Variants in CSMD1 observed in about 807,000 individuals in gnomAD.
CSMD1 encodes CUB and sushi domain-containing protein 1.
A neutral mutation model predicts 417.5 loss-of-function variants in CSMD1; 213 were observed. That is an observed-to-expected ratio of 0.51 (90% CI 0.46 to 0.57). CSMD1 has a LOEUF of 0.57. CSMD1 is among the 20% of genes least tolerant of loss of function. The probability of loss-of-function intolerance (pLI) is 0.00; values close to 1 mark genes in which losing one functional copy is unlikely to be tolerated. For missense variants in CSMD1, 6,923 were observed against 4,529.7 expected, an observed-to-expected ratio of 1.53 and a Z score of -15.17; for synonymous variants, 2,862 against 1,736.8, an observed-to-expected ratio of 1.65 and a Z score of -16.11.
intron 2 of CSMD1, among the ~76,000 whole-genome samples, chr8:4,491,039 C>G (rs1172457816): frequency 6.6e-6 from 1 of 152,114 alleles, no homozygotes; most frequent in Non-Finnish European, 1.5e-5. Flanking sequence ...CCTATGGTAC[C>G]TGGCTGTGGT....
Position 3,106,724 on chromosome 8 carries a change from A to G in CSMD1, c.6836-83T>C, listed in dbSNP as rs1816174219. ...GGTGTGACACATGTAGGACTACTTAAATGAATTAAATCAACTTGCAAATCT... is the reference window on the plus strand; with the variant it reads ...GGTGTGACACATGTAGGACTACTTAGATGAATTAAATCAACTTGCAAATCT... On this transcript the variant is annotated intron_variant, in intron 45 of 69. Transcript: ENST00000635120. The G allele has an allele frequency of 4.8e-6, 3 of 628,528 alleles. No homozygotes were observed. The South Asian group carries it at 7.4e-5, about 16-fold the overall frequency. 38.9% of individuals were successfully genotyped at this position (628,528 alleles called of 1,614,324 possible).
intron 3 of CSMD1, among the ~76,000 whole-genome samples, chr8:4,112,578 C>G (rs144904832): frequency 1.5e-4 from 23 of 152,262 alleles, no homozygotes; most frequent in African/African-American, 5.5e-4. Flanking sequence ...TCTGGGGAGG[C>G]TGACTTCACA....
chr8:3,775,394 AC>A (rs1456004191), intron 5 of CSMD1, among the ~76,000 whole-genome samples: 1 of 152,188 alleles, frequency 6.6e-6, no homozygotes, highest in Non-Finnish European at 1.5e-5. Context: ...AGGCCCAGGT[AC>A]CTGACTCAAA....
intron 5 of CSMD1, among the ~76,000 whole-genome samples, chr8:3,808,504 G>C (rs896488018): frequency 6.6e-6 from 1 of 152,146 alleles, no homozygotes; most frequent in Non-Finnish European, 1.5e-5. Flanking sequence ...TATGAAGAAA[G>C]ACTAAGAGCA....
intron 3 of CSMD1, among the ~76,000 whole-genome samples, chr8:4,370,734 A>AC (rs1273144589): frequency 2.0e-5 from 3 of 152,194 alleles, no homozygotes; most frequent in Non-Finnish European, 4.4e-5. Flanking sequence ...AGTTAATGTC[A>AC]CCAGTTGTGT....
intron 5 of CSMD1, among the ~76,000 whole-genome samples, chr8:3,939,061 G>A (rs574644523): frequency 3.3e-5 from 5 of 152,190 alleles, no homozygotes; most frequent in South Asian, 4.2e-4. Flanking sequence ...TGAGCCAACA[G>A]TCTGACAGAA....
At chr8:3,811,824 G>T (rs981831429) in intron 5 of CSMD1, among the ~76,000 whole-genome samples, 3 of 152,138 alleles carry the variant, frequency 2.0e-5, no homozygotes, top group African/African-American at 4.8e-5. Flanking sequence ...AACTTTAAGG[G>T]TGTTCATCTC....
intron 1 of CSMD1, among the ~76,000 whole-genome samples, chr8:4,690,283 A>G (rs1312818545): frequency 2.0e-5 from 3 of 152,202 alleles, no homozygotes; most frequent in Admixed American, 2.0e-4. Flanking sequence ...CCTGAAGAGG[A>G]CGACCTAACA....
chr8:2,969,411 T>C (rs2128930780), intron 57 of CSMD1, among the ~76,000 whole-genome samples: 1 of 152,314 alleles, frequency 6.6e-6, no homozygotes, highest in Non-Finnish European at 1.5e-5. Context: ...CTTGAGCCTA[T>C]GATTAAAAGA....
chr8:4,515,608 T>G (rs1342846191), intron 2 of CSMD1, among the ~76,000 whole-genome samples: 2 of 152,156 alleles, frequency 1.3e-5, no homozygotes, highest in Non-Finnish European at 2.9e-5. Flanking sequence ...ACATCTAAAT[T>G]TTATCAATAG....
intron 3 of CSMD1, among the ~76,000 whole-genome samples, chr8:4,307,124 T>C (rs1043925114): frequency 6.6e-6 from 1 of 152,166 alleles, no homozygotes; most frequent in Admixed American, 6.5e-5. Context: ...GCTGCCTCCT[T>C]GTCTCTGTAC....
At chr8:2,982,264 G>A (rs1197181540) in intron 54 of CSMD1, among the ~76,000 whole-genome samples, 1 of 152,170 alleles carries the variant, frequency 6.6e-6, no homozygotes, top group African/African-American at 2.4e-5. Flanking sequence ...GCTGAGGCAG[G>A]AGAATTGCTT....
intron 3 of CSMD1, among the ~76,000 whole-genome samples, chr8:4,412,668 T>G (rs1307945633): frequency 1.3e-5 from 2 of 152,182 alleles, no homozygotes; most frequent in Admixed American, 6.5e-5. Flanking sequence ...TGCTAAGATT[T>G]TCAGGGTTAA....
chr8:4,041,137 C>T (rs1172838692), intron 3 of CSMD1, among the ~76,000 whole-genome samples: 2 of 151,492 alleles, frequency 1.3e-5, no homozygotes, highest in South Asian at 2.1e-4. Context: ...CTGCCTCAGC[C>T]TCCCGAGTAG....
chr8:3,922,969 C>G (rs1045266201), intron 5 of CSMD1, among the ~76,000 whole-genome samples: 2 of 152,124 alleles, frequency 1.3e-5, no homozygotes, highest in African/African-American at 4.8e-5. Context: ...GGTGTTCATC[C>G]AGGGCTGTTT....
At chr8:4,131,420 T>C (rs962540203) in intron 3 of CSMD1, among the ~76,000 whole-genome samples, 4 of 152,130 alleles carry the variant, frequency 2.6e-5, no homozygotes, top group African/African-American at 9.7e-5. Context: ...GTACCACCTC[T>C]CTCTCAACTA....
rs191527959 is a variant in CSMD1 at position 4,805,176 on chromosome 8, G to A, written c.86-167618C>T. Among the ~76,000 whole-genome samples the A allele has an allele frequency of 6.6e-5, 10 of 152,216 alleles. No homozygotes were observed. The East Asian group carries it at 7.7e-4, about 12-fold the overall frequency. ...TTTCCCCCTGGATGTCAGTTTACTC[G>A]TTTGTATAGAGAGATAATATCTGCG... On this transcript the variant is annotated intron_variant, in intron 1 of 69. Coordinates refer to ENST00000635120, the MANE Select transcript of CSMD1 (RefSeq NM_033225.6).
intron 25 of CSMD1, among the ~76,000 whole-genome samples, chr8:3,300,860 G>A (rs557329827): frequency 4.7e-4 from 70 of 149,496 alleles, no homozygotes; most frequent in Non-Finnish European, 7.0e-4. Context: ...TCAGGACACT[G>A]AGGCAGGAGA....
Position 3,560,962 on chromosome 8 carries a change from C to A in CSMD1, c.1344+13983G>T, listed in dbSNP as rs1000609100. ...TAGAATCCAGATTCACAGAGCATCC[C>A]AATGGGCAGTGAAAATTACAGTGAC... On this transcript the variant is annotated intron_variant, in intron 10 of 69. Coordinates refer to ENST00000635120, the MANE Select transcript of CSMD1 (RefSeq NM_033225.6). Among the ~76,000 whole-genome samples the A allele has an allele frequency of 2.0e-5, 3 of 152,062 alleles. No individual in the cohort carries two copies. The East Asian group carries it at 5.8e-4, about 29-fold the overall frequency.
Sources: allele counts gnomAD v4.1 joint callset (sites outside exome capture counted in the v4.1 genomes callset), GRCh38; gene constraint gnomAD v4.1.1; transcripts MANE v1.5; gene names NCBI Gene and HGNC (gene_info 2026-07-23, HGNC 2026-07-21).